Variants in ZNF99 observed in about 807,000 individuals in gnomAD.
ZNF99 encodes zinc finger protein 99.
ZNF99 carries 8 observed loss-of-function variants against 12.8 expected under a neutral mutation model. The observed-to-expected ratio is 0.62, with a 90% CI of 0.37 to 1.13. The LOEUF (loss-of-function observed/expected upper bound fraction) is 1.13. Among genes scored for constraint, ZNF99 ranks in the 50% most tolerant of loss-of-function variants. The pLI is 0.02. For synonymous variants in ZNF99, 318 were observed against 319.0 expected, an observed-to-expected ratio of 1.00 and a Z score of 0.03; for missense variants, 1,007 against 1,006.2, an observed-to-expected ratio of 1.00 and a Z score of -0.01.
intron 3 of ZNF99, among the ~76,000 whole-genome samples, chr19:22,762,455 G>T (rs1316472402): frequency 5.9e-5 from 9 of 151,982 alleles, no homozygotes; most frequent in Admixed American, 5.9e-4. Flanking sequence ...TAGATACCCT[G>T]AACAGACCAA....
intron 3 of ZNF99, among the ~76,000 whole-genome samples, chr19:22,763,480 G>A (rs531271704): frequency 6.6e-6 from 1 of 152,170 alleles, no homozygotes; most frequent in Non-Finnish European, 1.5e-5. Context: ...AGAAATCACA[G>A]ATGACACAAA....
Position 22,756,927 on chromosome 19 carries a change from T to G in ZNF99, c.*387A>C. ...ATGTTCCATAAGTTTTGAGACCACTTAAAAGCTTTACCACATTCTTCACAT... is the reference window on the plus strand; with the variant it reads ...ATGTTCCATAAGTTTTGAGACCACTGAAAAGCTTTACCACATTCTTCACAT... On this transcript the variant is annotated 3_prime_UTR_variant, in exon 4 of 4. Transcript: ENST00000596209. 1 of 1,611,766 alleles carries G rather than the reference T, an allele frequency of 6.2e-7. No homozygotes were observed. Among genetic ancestry groups the G allele is most frequent in the Non-Finnish European group, 8.5e-7 (1 of 1,178,952 alleles).
chr19:22,769,984 T>A, intron 1 of ZNF99: 1 of 1,360,478 alleles, frequency 7.4e-7, no homozygotes, highest in Middle Eastern at 2.2e-4. Flanking sequence ...AAAAGACATG[T>A]TGAGTTAGAA....
intron 3 of ZNF99, 119 bp from the exon 4 acceptor site, chr19:22,759,801 C>T: frequency 1.5e-6 from 1 of 668,606 alleles, no homozygotes; most frequent in Non-Finnish European, 2.3e-6. Flanking sequence ...CAAAATAAGA[C>T]AGGCCCTAAT....
chr19:22,779,305 C>T (rs930298577), intron 1 of ZNF99, among the ~76,000 whole-genome samples: 5 of 152,020 alleles, frequency 3.3e-5, no homozygotes, highest in Non-Finnish European at 7.4e-5. Context: ...GCAGGCGGAT[C>T]AAAAGGTCAG....
chr19:22,764,633 C>T (rs1183113191), intron 3 of ZNF99, among the ~76,000 whole-genome samples: 4 of 145,112 alleles, frequency 2.8e-5, no homozygotes, highest in Non-Finnish European at 4.5e-5. Context: ...TCAAACAAAT[C>T]AGCAAGAAAA....
intron 1 of ZNF99, among the ~76,000 whole-genome samples, chr19:22,779,292 G>A (rs77013971): frequency 0.086 from 13,016 of 152,154 alleles, 573 homozygotes; most frequent in Middle Eastern, 0.11. Flanking sequence ...TTGGGAGGCT[G>A]AGGCAGGCGG....
At chr19:22,774,615 A>G (rs1156463238) in intron 1 of ZNF99, among the ~76,000 whole-genome samples, 1 of 152,222 alleles carries the variant, frequency 6.6e-6, no homozygotes, top group African/African-American at 2.4e-5. Flanking sequence ...CACATCTGTA[A>G]TCCCAGCACT....
rs540489434 is a variant in ZNF99, at chr19:22,756,490, G to A, written c.*824C>T. ...TCCAGTATGAATTATCCTATGTTTA[G>A]TAAGGCGTGAGAAATGGCTAAAAGC... is the stretch of plus-strand genomic sequence containing the variant. On this transcript the variant is annotated 3_prime_UTR_variant, in exon 4 of 4. Coordinates refer to ENST00000596209, the MANE Select transcript of ZNF99 (RefSeq NM_001080409.3). 4 of 1,591,932 alleles carry A rather than the reference G, an allele frequency of 2.5e-6. 1 individual carries two copies. Among genetic ancestry groups the A allele is most frequent in the Non-Finnish European group, 3.4e-6 (4 of 1,172,014 alleles).
intron 2 of ZNF99, 67 bp downstream of exon 2, chr19:22,769,130 AT>A: frequency 1.3e-6 from 2 of 1,514,774 alleles, no homozygotes; most frequent in South Asian, 1.2e-5. Flanking sequence ...ACCAAAACAC[AT>A]CCTACAGAAA....
rs1314301960 is a variant in ZNF99, at chr19:22,753,167, ATGT to A, written c.*4144_*4146del. The A allele has an allele frequency of 6.6e-6, 1 of 152,066 alleles. No individual in the cohort carries two copies. The highest frequency in any genetic ancestry group is 1.5e-5 in the Non-Finnish European group (1 of 67,956). 9.4% of individuals were successfully genotyped at this position (152,066 alleles called of 1,614,324 possible). A position where few individuals can be genotyped will look rare whatever the true frequency, so the allele number is the denominator to read the frequency against. ...GTCTGTAATTTTTTTCAATATTGTG[ATGT>A]TAATTTTTTTGATATTTGAAGTATA... On this transcript the variant is annotated 3_prime_UTR_variant, in exon 4 of 4. Transcript: ENST00000596209.
In ZNF99 at chr19:22,778,157, T is replaced by TA. The variant is rs369829907; in HGVS notation, c.3+5856dup. Reference sequence around the variant, plus strand: ...TGCACATGTATCCTAGAACTTAAATTAAAAAAAAAAAGAAAAAGGCGGTCT... The same window carrying TA: ...TGCACATGTATCCTAGAACTTAAATTAAAAAAAAAAAAGAAAAAGGCGGTCT... On this transcript the variant is annotated intron_variant, in intron 1 of 3. Transcript: ENST00000596209. 5.4e-4 allele frequency among the ~76,000 whole-genome samples: 52 copies of TA among 96,678 alleles called. No homozygotes were observed. The East Asian group carries it at 8.0e-3, about 15-fold the overall frequency. 63.4% of individuals were successfully genotyped at this position (96,678 alleles called of 152,430 possible). A position where few individuals can be genotyped will look rare whatever the true frequency, so the allele number is the denominator to read the frequency against.
intron 3 of ZNF99, among the ~76,000 whole-genome samples, chr19:22,765,106 G>A (rs1973190200): frequency 6.6e-6 from 1 of 151,948 alleles, no homozygotes; most frequent in Admixed American, 6.6e-5. Flanking sequence ...ACCAATGAGT[G>A]GATAAAGAAA....
chr19:22,778,984 G>A (rs914192360), intron 1 of ZNF99, among the ~76,000 whole-genome samples: 109 of 150,948 alleles, frequency 7.2e-4, no homozygotes, highest in East Asian at 1.2e-3. Flanking sequence ...TCAAGCCTGG[G>A]CAACAAGAGC....
At chr19:22,770,124 C>A in intron 1 of ZNF99, 1 of 823,032 alleles carries the variant, frequency 1.2e-6, no homozygotes, top group Non-Finnish European at 1.6e-6. Context: ...TTTTTGGCCC[C>A]AAAAGAATCT....
Position 22,758,828 on chromosome 19 carries a change from T to C in ZNF99, c.1081A>G (p.Ile361Val). The C allele has an allele frequency of 6.2e-7, 1 of 1,606,162 alleles. No homozygotes were observed. Among genetic ancestry groups the C allele is most frequent in the Non-Finnish European group, 8.5e-7 (1 of 1,175,038 alleles). The change falls in exon 4 of 4, where the codon ATA (isoleucine) becomes GTA (valine). Residue 361 changes from isoleucine to valine, a missense_variant. Transcript: ENST00000596209. Reference sequence around the variant, plus strand: ...TAGGGTTTCTCTTCAGTATGAATTATCTCATGTTTTCTAAGGGTTGAGGAC... The same window carrying C: ...TAGGGTTTCTCTTCAGTATGAATTACCTCATGTTTTCTAAGGGTTGAGGAC... ...SQSSTLRKHEIIHTEEKPYKY... is the reference protein window; with the variant it reads ...SQSSTLRKHEVIHTEEKPYKY...
Position 22,752,666 on chromosome 19 carries a change from A to C in ZNF99, c.*4648T>G, listed in dbSNP as rs1431508718. Reference sequence around the variant, plus strand: ...CCTTGAGTAAGGTGGGATAGGTTAAAGCGAGTGGCATAATAACACTTCATT... The same window carrying C: ...CCTTGAGTAAGGTGGGATAGGTTAACGCGAGTGGCATAATAACACTTCATT... On this transcript the variant is annotated 3_prime_UTR_variant, in exon 4 of 4. Coordinates refer to ENST00000596209, the MANE Select transcript of ZNF99 (RefSeq NM_001080409.3). 1 of 152,140 alleles carries C rather than the reference A, an allele frequency of 6.6e-6. No individual in the cohort carries two copies. Among genetic ancestry groups the C allele is most frequent in the African/African-American group, 2.4e-5 (1 of 41,448 alleles). The allele number at this position is 152,140 out of a possible 1,614,324, so 9.4% of individuals were successfully genotyped here. A position where few individuals can be genotyped will look rare whatever the true frequency, so the allele number is the denominator to read the frequency against.
chr19:22,755,926 A>G lies in ZNF99; in HGVS notation c.*1388T>C. The stretch of plus-strand genomic sequence containing the variant: ...TTGAGTAACAGCTGAGCAATGGTTA[A>G]AAGCTTTGTCACCTTTATTATATTT... On this transcript the variant is annotated 3_prime_UTR_variant, in exon 4 of 4. Transcript: ENST00000596209. 2.6e-6 allele frequency: 1 copy of G among 390,514 alleles called. No individual in the cohort carries two copies. The highest frequency in any genetic ancestry group is 4.9e-6 in the Non-Finnish European group (1 of 205,972). The allele number at this position is 390,514 out of a possible 1,614,324, so 24.2% of individuals were successfully genotyped here.
At chr19:22,767,872 G>A (rs1251545963) in intron 3 of ZNF99, among the ~76,000 whole-genome samples, 1 of 152,160 alleles carries the variant, frequency 6.6e-6, no homozygotes, top group Non-Finnish European at 1.5e-5. Flanking sequence ...TTTCTGGTGT[G>A]TTCTCAGGAA....
Sources: allele counts gnomAD v4.1 joint callset (sites outside exome capture counted in the v4.1 genomes callset), GRCh38; gene constraint gnomAD v4.1.1; transcripts MANE v1.5; gene names NCBI Gene and HGNC (gene_info 2026-07-23, HGNC 2026-07-21).